HAO1: variants seen among roughly 807,000 people sequenced by gnomAD.
HAO1 encodes hydroxyacid oxidase 1, also known as 2-Hydroxyacid oxidase 1.
HAO1 carries 34 observed loss-of-function variants against 39.7 expected under a neutral mutation model. The observed-to-expected ratio is 0.86, with a 90% confidence interval of 0.65 to 1.14. The LOEUF (loss-of-function observed/expected upper bound fraction) is 1.14, where lower values mean the gene tolerates loss of function less well. HAO1 is among the 50% of genes most tolerant of loss of function. HAO1 has a pLI of 0.00. For synonymous variants in HAO1, 172 were observed against 173.2 expected, an observed-to-expected ratio of 0.99 and a Z score of 0.05; for missense variants, 479 against 464.5, an observed-to-expected ratio of 1.03 and a Z score of -0.29.
At chr20:7,899,299 G>A (rs1292242826) in intron 4 of HAO1, among the ~76,000 whole-genome samples, 1 of 152,102 alleles carries the variant, frequency 6.6e-6, no homozygotes. Context: ...AGTTGAATGT[G>A]TGTTTAGAAA....
At chr20:7,905,085 A>G (rs916552960) in intron 4 of HAO1, among the ~76,000 whole-genome samples, 2 of 150,954 alleles carry the variant, frequency 1.3e-5, no homozygotes, top group East Asian at 1.9e-4. Flanking sequence ...AATTACCCTC[A>G]TATGATTACT....
rs1361859009 is a variant in HAO1 at position 7,914,437 on chromosome 20, T to C, written c.290-18A>G. On this transcript the variant is annotated intron_variant, in intron 2 of 7. Coordinates refer to ENST00000378789, the MANE Select transcript of HAO1 (RefSeq NM_017545.3). ...CTGACAGGCTGAGAAAGAAAGGGGA[T>C]GATCAAGATGGGCCTGGCATTGCTT... 21 of 1,610,430 alleles carry C rather than the reference T, an allele frequency of 1.3e-5. No homozygotes were observed. Among genetic ancestry groups the C allele is most frequent in the Non-Finnish European group, 1.8e-5 (21 of 1,177,842 alleles).
Position 7,883,526 on chromosome 20 carries a change from C to T in HAO1, c.*67G>A. On this transcript the variant is annotated 3_prime_UTR_variant, in exon 8 of 8. Coordinates refer to ENST00000378789, the MANE Select transcript of HAO1 (RefSeq NM_017545.3). ...TTACAGACTGTGGTCACCCTCTGCA[C>T]AGTGTCTCTTTGTCAAGTAATACAT... 8.6e-7 allele frequency: 1 copy of T among 1,161,838 alleles called. No individual in the cohort carries two copies. Among genetic ancestry groups the T allele is most frequent in the Non-Finnish European group, 1.3e-6 (1 of 767,478 alleles). 72.0% of individuals were successfully genotyped at this position (1,161,838 alleles called of 1,614,324 possible). A position where few individuals can be genotyped will look rare whatever the true frequency, so the allele number is the denominator to read the frequency against.
rs2050387871 is a variant in HAO1 at position 7,931,982 on chromosome 20, C to T, written c.289+2502G>A. On this transcript the variant is annotated intron_variant, in intron 2 of 7. Coordinates refer to ENST00000378789, the MANE Select transcript of HAO1 (RefSeq NM_017545.3). The stretch of plus-strand genomic sequence containing the variant: ...TTAGGCTTTGTTTCTCCATCCAAAT[C>T]TCATCTTGAATTATAATCCCAGGTG... Among the ~76,000 whole-genome samples, 6 of 152,308 alleles carry T rather than the reference C, an allele frequency of 3.9e-5. 1 individual carries two copies. The South Asian group carries it at 8.3e-4, about 21-fold the overall frequency.
chr20:7,884,962 G>A (rs535464984), intron 7 of HAO1, among the ~76,000 whole-genome samples: 4 of 152,262 alleles, frequency 2.6e-5, no homozygotes, highest in South Asian at 4.1e-4. Context: ...CAGCCAGGGC[G>A]GTGGCAGTGG....
intron 3 of HAO1, among the ~76,000 whole-genome samples, chr20:7,910,652 T>C (rs982367902): frequency 7.9e-5 from 12 of 152,168 alleles, no homozygotes; most frequent in Non-Finnish European, 1.3e-4. Context: ...CTTTTAATTA[T>C]ATCAAGCCTA....
At chr20:7,915,044 T>C (rs1212677143) in intron 2 of HAO1, among the ~76,000 whole-genome samples, 3 of 152,076 alleles carry the variant, frequency 2.0e-5, no homozygotes, top group Non-Finnish European at 4.4e-5. Flanking sequence ...CGCTTGAACC[T>C]AGGAGGAAGA....
chr20:7,894,140 C>T (rs2050186214), intron 5 of HAO1, among the ~76,000 whole-genome samples: 1 of 152,144 alleles, frequency 6.6e-6, no homozygotes, highest in African/African-American at 2.4e-5. Flanking sequence ...ACCAACGGCC[C>T]CCGGCCCCCA....
intron 4 of HAO1, 86 bp downstream of exon 4, chr20:7,906,068 C>T (rs1169279853): frequency 3.3e-6 from 3 of 919,894 alleles, no homozygotes; most frequent in African/African-American, 3.3e-5. Flanking sequence ...TTAATTTTTC[C>T]TTGTTATTTT....
intron 4 of HAO1, among the ~76,000 whole-genome samples, chr20:7,902,672 A>G (rs1196960633): frequency 6.6e-6 from 1 of 152,196 alleles, no homozygotes; most frequent in African/African-American, 2.4e-5. Flanking sequence ...AGAAACACAA[A>G]GCCACAGTAG....
At chr20:7,922,770 G>A (rs74720768) in intron 2 of HAO1, among the ~76,000 whole-genome samples, 3,758 of 152,132 alleles carry the variant, frequency 0.025, 119 homozygotes, top group African/African-American at 0.078. Flanking sequence ...ATACTTGGAA[G>A]AAAAATTGTA....
At chr20:7,883,704 A>C (rs747696783) in intron 7 of HAO1, 41 bp from the exon 8 acceptor site, 1 of 1,304,432 alleles carries the variant, frequency 7.7e-7, no homozygotes, top group South Asian at 1.2e-5. Flanking sequence ...ACTGAATGCA[A>C]TAATAATCAG....
chr20:7,890,011 A>C (rs1487317476), intron 5 of HAO1, among the ~76,000 whole-genome samples: 1 of 152,086 alleles, frequency 6.6e-6, no homozygotes, highest in Non-Finnish European at 1.5e-5. Context: ...TGGACACCAC[A>C]GCCTCCCCCA....
At chr20:7,923,356 A>G (rs1018616841) in intron 2 of HAO1, among the ~76,000 whole-genome samples, 1 of 152,168 alleles carries the variant, frequency 6.6e-6, no homozygotes, top group Non-Finnish European at 1.5e-5. Flanking sequence ...TCAAGTCTTA[A>G]TGAAAACATT....
At chr20:7,919,798 C>G (rs1016889258) in intron 2 of HAO1, among the ~76,000 whole-genome samples, 4 of 152,116 alleles carry the variant, frequency 2.6e-5, no homozygotes, top group African/African-American at 9.7e-5. Context: ...GTATGTATTT[C>G]TAATTTTGCC....
chr20:7,914,674 C>CTT (rs906434650), intron 2 of HAO1, among the ~76,000 whole-genome samples: 1 of 152,154 alleles, frequency 6.6e-6, no homozygotes, highest in Non-Finnish European at 1.5e-5. Context: ...TCTTTCCACA[C>CTT]TTTGTATATT....
intron 4 of HAO1, among the ~76,000 whole-genome samples, chr20:7,897,514 T>C (rs1262924499): frequency 1.3e-5 from 2 of 152,152 alleles, no homozygotes; most frequent in Non-Finnish European, 2.9e-5. Context: ...TGTTATTGAC[T>C]TTACTGCTCA....
intron 1 of HAO1, among the ~76,000 whole-genome samples, chr20:7,936,375 G>A (rs2050410146): frequency 6.6e-6 from 1 of 152,142 alleles, no homozygotes; most frequent in Non-Finnish European, 1.5e-5. Flanking sequence ...TGTGTTATTA[G>A]AATGAGAGAA....
At chr20:7,887,540 T>C (rs1228135830) in intron 5 of HAO1, among the ~76,000 whole-genome samples, 1 of 152,198 alleles carries the variant, frequency 6.6e-6, no homozygotes, top group East Asian at 1.9e-4. Flanking sequence ...GCTTTGGATC[T>C]ATTTACATAT....
Sources: allele counts gnomAD v4.1 joint callset (sites outside exome capture counted in the v4.1 genomes callset), GRCh38; gene constraint gnomAD v4.1.1; transcripts MANE v1.5; gene names NCBI Gene and HGNC (gene_info 2026-07-23, HGNC 2026-07-21).